Variants in DUSP10 observed in about 807,000 individuals in gnomAD.
The protein encoded by DUSP10 is dual specificity protein phosphatase 10.
Under a neutral mutation model 30.8 loss-of-function variants are expected in DUSP10, and 14 were observed. The ratio of observed to expected loss-of-function variants is 0.46; its 90% CI spans 0.30 to 0.71. DUSP10 has a LOEUF of 0.71. Ranked by LOEUF, DUSP10 falls within the 30% of genes least tolerant of loss-of-function variation. The probability of loss-of-function intolerance (pLI) is 0.08; values close to 1 mark genes in which losing one functional copy is unlikely to be tolerated. For synonymous variants in DUSP10, 254 were observed against 250.4 expected, an observed-to-expected ratio of 1.01 and a Z score of -0.14; for missense variants, 550 against 619.4, an observed-to-expected ratio of 0.89 and a Z score of 1.19.
At chr1:221,726,215 C>T (rs927262015) in intron 2 of DUSP10, among the ~76,000 whole-genome samples, 1 of 152,162 alleles carries the variant, frequency 6.6e-6, no homozygotes, top group Non-Finnish European at 1.5e-5. Context: ...GCAACTAGCA[C>T]CCAAAATGGC....
At chr1:221,731,596 ATTTC>A (rs1424677609) in intron 2 of DUSP10, among the ~76,000 whole-genome samples, 1 of 131,698 alleles carries the variant, frequency 7.6e-6, no homozygotes, top group Non-Finnish European at 1.6e-5. Flanking sequence ...AGGCTAGGCT[ATTTC>A]TTTTTTTTTT....
intron 2 of DUSP10, among the ~76,000 whole-genome samples, chr1:221,724,059 A>C (rs1370837159): frequency 2.6e-5 from 4 of 152,230 alleles, no homozygotes; most frequent in Non-Finnish European, 5.9e-5. Flanking sequence ...GACACTCCTA[A>C]CACTCGGGGA....
intron 2 of DUSP10, among the ~76,000 whole-genome samples, chr1:221,714,859 T>C (rs1313505933): frequency 6.6e-6 from 1 of 152,194 alleles, no homozygotes; most frequent in East Asian, 1.9e-4. Context: ...ATAGTTACTA[T>C]TGTTTCTCTC....
chr1:221,708,912 A>G (rs1322069951), intron 2 of DUSP10, among the ~76,000 whole-genome samples: 3 of 151,952 alleles, frequency 2.0e-5, no homozygotes, highest in Non-Finnish European at 4.4e-5. Flanking sequence ...AATAAAACAA[A>G]TTCAAAAGAA....
At chr1:221,727,774 G>A (rs1661467158) in intron 2 of DUSP10, among the ~76,000 whole-genome samples, 1 of 152,122 alleles carries the variant, frequency 6.6e-6, no homozygotes, top group African/African-American at 2.4e-5. Flanking sequence ...AAAATGCTCA[G>A]ATTTTTAAAT....
intron 1 of DUSP10, among the ~76,000 whole-genome samples, chr1:221,741,615 G>A (rs1174138696): frequency 6.6e-6 from 1 of 151,948 alleles, no homozygotes; most frequent in East Asian, 1.9e-4. Flanking sequence ...CCCATTCCTG[G>A]AGCACTTAAC....
At chr1:221,732,743 C>A (rs1661654463) in intron 2 of DUSP10, among the ~76,000 whole-genome samples, 1 of 152,168 alleles carries the variant, frequency 6.6e-6, no homozygotes, top group African/African-American at 2.4e-5. Flanking sequence ...AACTTTGCTG[C>A]CTGTTAGAAT....
At chr1:221,727,079 A>G (rs1661444537) in intron 2 of DUSP10, among the ~76,000 whole-genome samples, 2 of 152,202 alleles carry the variant, frequency 1.3e-5, no homozygotes. Context: ...CAGAAAAGTG[A>G]ATTTGTCCAA....
At chr1:221,704,189 AAAGC>A in intron 3 of DUSP10, among the ~76,000 whole-genome samples, 1 of 152,350 alleles carries the variant, frequency 6.6e-6, no homozygotes, top group Non-Finnish European at 1.5e-5. Flanking sequence ...TGTTTTTACT[AAAGC>A]AAGACTGTAA....
intron 2 of DUSP10, among the ~76,000 whole-genome samples, chr1:221,724,324 G>C (rs1186411066): frequency 7.6e-6 from 1 of 132,234 alleles, no homozygotes; most frequent in Non-Finnish European, 1.6e-5. Context: ...ATGGAATTCA[G>C]GCTACTATAA....
In DUSP10 at chr1:221,706,191, A is replaced by G. The variant is rs370042773; in HGVS notation, c.1087T>C (p.Tyr363His). 5.0e-6 allele frequency: 8 copies of G among 1,614,068 alleles called. No individual in the cohort carries two copies. The highest frequency in any genetic ancestry group is 6.8e-6 in the Non-Finnish European group (8 of 1,180,000). Residue 363 changes from tyrosine to histidine, a missense_variant, in exon 3 of 4, where the codon TAT becomes CAT. Transcript: ENST00000366899. The surrounding 1 kb of genome is among the most constrained non-coding windows in gnomAD (Gnocchi z 4.6). ...TTGTAGTTGAACAGGCCTTTCTCAT[A>G]GTGGTAGAGGGGAAGATGAGTGGTG... ...NVTTHLPLYH[Y>H]EKGLFNYKRL...
At position 221,706,380 on chromosome 1, in the gene DUSP10, C is replaced by A. The variant is rs754145003; in HGVS notation, c.898G>T (p.Ala300Ser). Residue 300 changes from alanine to serine, a missense_variant, in exon 3 of 4, where the codon GCA becomes TCA. Ala to Ser is a moderately conservative substitution (Grantham distance 99). Coordinates refer to ENST00000366899, the MANE Select transcript of DUSP10 (RefSeq NM_007207.6). The surrounding 1 kb of genome is among the most constrained non-coding windows in gnomAD (Gnocchi z 4.6). ...LQECREVGGG[A>S]SAASSLLPQP... The stretch of plus-strand genomic sequence containing the variant: ...GGTAGCAAGCTCGAGGCCGCGGATG[C>A]GCCGCCCCCCACCTCCCGGCACTCT... The A allele has an allele frequency of 6.3e-7, 1 of 1,584,688 alleles. No homozygotes were observed. Among genetic ancestry groups the A allele is most frequent in the South Asian group, 1.1e-5 (1 of 86,968 alleles).
intron 2 of DUSP10, among the ~76,000 whole-genome samples, chr1:221,713,902 AACTT>A (rs1220009803): frequency 6.6e-6 from 1 of 152,218 alleles, no homozygotes; most frequent in Non-Finnish European, 1.5e-5. Context: ...AATTTACAAA[AACTT>A]AATAAAATAA....
intron 3 of DUSP10, among the ~76,000 whole-genome samples, chr1:221,705,196 G>A (rs916535571): frequency 2.0e-5 from 3 of 149,174 alleles, no homozygotes; most frequent in East Asian, 3.9e-4. Context: ...TGCAACCTCC[G>A]CTTCCCAGGC....
chr1:221,731,235 C>T (rs1661581235), intron 2 of DUSP10, among the ~76,000 whole-genome samples: 1 of 152,146 alleles, frequency 6.6e-6, no homozygotes, highest in Non-Finnish European at 1.5e-5. Flanking sequence ...CCACCCCTGT[C>T]CCTTATACTG....
At chr1:221,704,722 C>T (rs1233738460) in intron 3 of DUSP10, among the ~76,000 whole-genome samples, 2 of 152,200 alleles carry the variant, frequency 1.3e-5, no homozygotes, top group African/African-American at 4.8e-5. Context: ...TTCTTGGACA[C>T]TAGAATTCCT....
intron 2 of DUSP10, among the ~76,000 whole-genome samples, chr1:221,717,915 A>T (rs1661157020): frequency 6.6e-6 from 1 of 152,156 alleles, no homozygotes; most frequent in Admixed American, 6.5e-5. Context: ...AGCCCAAATG[A>T]ATATAGTGCC....
chr1:221,712,767 T>C (rs939612422), intron 2 of DUSP10, among the ~76,000 whole-genome samples: 3 of 51,586 alleles, frequency 5.8e-5, no homozygotes, highest in Admixed American at 2.3e-4. Flanking sequence ...GTGGATGATA[T>C]ATAAAGCAGC....
intron 2 of DUSP10, among the ~76,000 whole-genome samples, chr1:221,715,804 C>T (rs1426017001): frequency 6.6e-6 from 1 of 152,156 alleles, no homozygotes; most frequent in Non-Finnish European, 1.5e-5. Flanking sequence ...GTTAAGATCT[C>T]AAGAGTTCCC....
Sources: allele counts gnomAD v4.1 joint callset (sites outside exome capture counted in the v4.1 genomes callset), GRCh38; gene constraint gnomAD v4.1.1; non-coding constraint Gnocchi (gnomAD v3.1); transcripts MANE v1.5; gene names NCBI Gene and HGNC (gene_info 2026-07-23, HGNC 2026-07-21).